PPFIA2: variants seen among roughly 807,000 people sequenced by gnomAD.
PPFIA2 encodes the protein liprin-alpha-2.
In PPFIA2, 46 loss-of-function variants were observed where a neutral mutation model predicts 175.5. The ratio of observed to expected loss-of-function variants is 0.26; its 90% CI spans 0.21 to 0.34. The LOEUF is 0.34. PPFIA2 is among the 10% of genes least tolerant of loss of function. The probability of loss-of-function intolerance (pLI) is 1.00; values close to 1 mark genes in which losing one functional copy is unlikely to be tolerated. For missense variants in PPFIA2, 1,179 were observed against 1,506.1 expected (o/e 0.78, Z 3.60); for synonymous variants, 568 against 511.4 (o/e 1.11, Z -1.49).
chr12:81,437,378 C>T (rs1169061933), intron 7 of PPFIA2, among the ~76,000 whole-genome samples: 9 of 151,172 alleles, frequency 6.0e-5, no homozygotes, highest in Non-Finnish European at 7.4e-5. Context: ...TACAGGCACC[C>T]GCCACCAAGC....
At chr12:81,709,576 T>C (rs1247344059) in intron 3 of PPFIA2, among the ~76,000 whole-genome samples, 1 of 152,022 alleles carries the variant, frequency 6.6e-6, no homozygotes, top group East Asian at 1.9e-4. Flanking sequence ...GTCATATATA[T>C]TTTACAAAGT....
intron 4 of PPFIA2, among the ~76,000 whole-genome samples, chr12:81,460,622 C>T (rs567292114): frequency 1.3e-5 from 2 of 152,112 alleles, no homozygotes; most frequent in East Asian, 1.9e-4. Flanking sequence ...GAGTTAACCA[C>T]CAAACATTTT....
intron 8 of PPFIA2, among the ~76,000 whole-genome samples, chr12:81,401,416 C>T (rs1237251559): frequency 6.6e-6 from 1 of 152,150 alleles, no homozygotes; most frequent in African/African-American, 2.4e-5. Flanking sequence ...GTTCATACAG[C>T]TGGTAGCTGG....
chr12:81,422,173 T>C (rs990770801), intron 7 of PPFIA2, among the ~76,000 whole-genome samples: 1 of 148,656 alleles, frequency 6.7e-6, no homozygotes, highest in Non-Finnish European at 1.5e-5. Flanking sequence ...TATATATATA[T>C]GTCATTTTCA....
intron 3 of PPFIA2, among the ~76,000 whole-genome samples, chr12:81,705,983 T>C (rs2077087844): frequency 6.6e-6 from 1 of 152,172 alleles, no homozygotes; most frequent in African/African-American, 2.4e-5. Context: ...GATATATTGA[T>C]TTAAACAAAA....
intron 4 of PPFIA2, among the ~76,000 whole-genome samples, chr12:81,608,977 T>G (rs1411950905): frequency 3.9e-5 from 6 of 152,008 alleles, no homozygotes; most frequent in African/African-American, 1.4e-4. Flanking sequence ...TCCTAGAGAT[T>G]TGGATAAGTT....
intron 28 of PPFIA2, among the ~76,000 whole-genome samples, chr12:81,275,503 A>AT (rs139133276): frequency 0.023 from 3,531 of 152,274 alleles, 69 homozygotes; most frequent in Middle Eastern, 0.051. Context: ...CCTAAAAAAA[A>AT]TCTTAAGAAT....
intron 3 of PPFIA2, among the ~76,000 whole-genome samples, chr12:81,753,310 T>C (rs1433227548): frequency 7.0e-6 from 1 of 143,344 alleles, no homozygotes; most frequent in Non-Finnish European, 1.6e-5. Flanking sequence ...TCTTAAAATA[T>C]CTTAGGATTT....
At chr12:81,593,748 G>C (rs1416400497) in intron 4 of PPFIA2, among the ~76,000 whole-genome samples, 1 of 152,176 alleles carries the variant, frequency 6.6e-6, no homozygotes, top group East Asian at 1.9e-4. Flanking sequence ...GAGTGAAGAG[G>C]CAAAGACAAT....
rs1447082666 is a variant in PPFIA2, at chr12:81,311,688, G to A, written c.2643-12306C>T. On this transcript the variant is annotated intron_variant, in intron 22 of 32. Transcript: ENST00000549396. The stretch of plus-strand genomic sequence containing the variant: ...GCGGAGCTTGCAGTGAGCCGAGATC[G>A]CGCCACTGCACTCCAGCCTGGGCAA... 1.1e-4 allele frequency among the ~76,000 whole-genome samples: 16 copies of A among 144,370 alleles called. 1 individual carries two copies. Among genetic ancestry groups the A allele is most frequent in the African/African-American group, 2.3e-4 (9 of 38,404 alleles). The allele number at this position is 144,370 out of a possible 152,430, so 94.7% of individuals were successfully genotyped here.
chr12:81,721,777 C>T (rs769776633), intron 3 of PPFIA2, among the ~76,000 whole-genome samples: 2 of 151,148 alleles, frequency 1.3e-5, no homozygotes, highest in African/African-American at 2.4e-5. Flanking sequence ...TTTTTAGTCA[C>T]ATAAAACTGG....
chr12:81,555,099 A>G (rs2068620518), intron 4 of PPFIA2, among the ~76,000 whole-genome samples: 1 of 151,998 alleles, frequency 6.6e-6, no homozygotes, highest in Admixed American at 6.6e-5. Context: ...CGAATCCTCA[A>G]AGTGCTATAT....
At chr12:81,583,303 A>G in intron 4 of PPFIA2, among the ~76,000 whole-genome samples, 1 of 151,998 alleles carries the variant, frequency 6.6e-6, no homozygotes, top group Non-Finnish European at 1.5e-5. Context: ...AAATTGTTTC[A>G]AAATGCTTTC....
intron 4 of PPFIA2, among the ~76,000 whole-genome samples, chr12:81,462,585 C>CATAT (rs71098145): frequency 0.066 from 8,208 of 124,346 alleles, 325 homozygotes; most frequent in Middle Eastern, 0.11. Context: ...TATATATATA[C>CATAT]ATATATATAT....
At chr12:81,286,561 T>C (rs2043473006) in intron 24 of PPFIA2, among the ~76,000 whole-genome samples, 1 of 152,056 alleles carries the variant, frequency 6.6e-6, no homozygotes, top group Non-Finnish European at 1.5e-5. Context: ...CCACATAGCC[T>C]AGGTGTGCAG....
chr12:81,705,083 TAAAAAAAAAAAAAAAAAAAA>T (rs557079067), intron 3 of PPFIA2, among the ~76,000 whole-genome samples: 2 of 32,356 alleles, frequency 6.2e-5, no homozygotes, highest in East Asian at 2.3e-3. Context: ...AAACTCTGTC[TAAAAAAAAAAAAAAAAAAAA>T]AAAAAAAAGA....
intron 24 of PPFIA2, among the ~76,000 whole-genome samples, chr12:81,292,038 G>C (rs2045170518): frequency 6.6e-6 from 1 of 152,028 alleles, no homozygotes; most frequent in East Asian, 1.9e-4. Flanking sequence ...TGGTTAAATA[G>C]TTTTAGAAAA....
intron 3 of PPFIA2, among the ~76,000 whole-genome samples, chr12:81,680,415 T>C (rs1158280160): frequency 6.6e-6 from 1 of 152,018 alleles, no homozygotes; most frequent in Non-Finnish European, 1.5e-5. Context: ...AAATGGGTTA[T>C]AAAACATATA....
chr12:81,560,322 G>T (rs1389630690), intron 4 of PPFIA2, among the ~76,000 whole-genome samples: 2 of 151,902 alleles, frequency 1.3e-5, no homozygotes, highest in African/African-American at 4.8e-5. Flanking sequence ...AGGCAAAGGA[G>T]AGAAAGAACA....
Sources: gnomAD v4.1 joint callset for allele counts (sites outside exome capture counted in the v4.1 genomes callset) on GRCh38, gnomAD v4.1.1 for gene constraint, MANE v1.5 for transcripts, NCBI Gene and HGNC (gene_info 2026-07-23, HGNC 2026-07-21) for gene names.